RAC1: variants seen among roughly 807,000 people sequenced by gnomAD.
RAC1 encodes the protein Rac family small GTPase 1.
Under a neutral mutation model 25.2 loss-of-function variants are expected in RAC1, and 2 were observed. The ratio of observed to expected loss-of-function variants is 0.08; its 90% CI spans 0.03 to 0.25. The LOEUF is 0.25. Ranked by LOEUF, RAC1 falls within the 10% of genes least tolerant of loss-of-function variation. The pLI, the probability that RAC1 is intolerant of heterozygous loss-of-function variation, is 1.00. For missense variants in RAC1, 50 were observed against 235.7 expected, an observed-to-expected ratio of 0.21 and a Z score of 5.16; for synonymous variants, 88 against 94.0, an observed-to-expected ratio of 0.94 and a Z score of 0.37.
At chr7:6,382,642 C>T (rs1782802159) in intron 1 of RAC1, among the ~76,000 whole-genome samples, 1 of 152,184 alleles carries the variant, frequency 6.6e-6, no homozygotes, top group African/African-American at 2.4e-5. Flanking sequence ...TGGGGTGGAT[C>T]TCCTGAGGTC....
intron 3 of RAC1, among the ~76,000 whole-genome samples, chr7:6,394,588 C>A (rs372999239): frequency 6.6e-6 from 1 of 152,150 alleles, no homozygotes; most frequent in Non-Finnish European, 1.5e-5. Flanking sequence ...GCAGCGGGTT[C>A]GCTGAGATGC....
chr7:6,386,927 C>G (rs1021262438), intron 1 of RAC1, among the ~76,000 whole-genome samples: 2 of 152,040 alleles, frequency 1.3e-5, no homozygotes, highest in Admixed American at 6.6e-5. Context: ...AGTCTTGTAG[C>G]TAGGTGACAA....
chr7:6,402,122 C>T, intron 5 of RAC1, 95 bp downstream of exon 5: 2 of 1,468,730 alleles, frequency 1.4e-6, no homozygotes, highest in South Asian at 1.3e-5. Flanking sequence ...GTGTGTCTCC[C>T]ACTCAGGGCC....
At position 6,388,250 on chromosome 7, in the gene RAC1, C is replaced by T. The variant is rs79851565; in HGVS notation, c.107+967C>T. Among the ~76,000 whole-genome samples, 140 of 152,034 alleles carry T rather than the reference C, an allele frequency of 9.2e-4. 1 individual carries two copies. Among genetic ancestry groups the T allele is most frequent in the African/African-American group, 3.3e-3 (135 of 41,474 alleles). ...TGTGCAGGCTGGGGAGGTGTCGCCTCCTCCCCACCTGTGTTCACCTCCTCA... is the reference window on the plus strand; with the variant it reads ...TGTGCAGGCTGGGGAGGTGTCGCCTTCTCCCCACCTGTGTTCACCTCCTCA... On this transcript the variant is annotated intron_variant, in intron 2 of 5. Transcript: ENST00000348035.
At chr7:6,383,512 C>T (rs1767152834) in intron 1 of RAC1, among the ~76,000 whole-genome samples, 1 of 151,754 alleles carries the variant, frequency 6.6e-6, no homozygotes, top group African/African-American at 2.4e-5. Context: ...AATAAAATTT[C>T]AGTCAGTATC....
chr7:6,395,899 G>A (rs1783223863), intron 3 of RAC1, among the ~76,000 whole-genome samples: 1 of 152,136 alleles, frequency 6.6e-6, no homozygotes, highest in African/African-American at 2.4e-5. Flanking sequence ...CTACTTTTTT[G>A]TAGTGAGATC....
chr7:6,401,627 G>T (rs6954996), intron 4 of RAC1: 15 of 322,062 alleles, frequency 4.7e-5, no homozygotes, highest in Non-Finnish European at 8.6e-5. Flanking sequence ...TGTAGAGCCC[G>T]TTCTGTCCGG....
At chr7:6,378,983 G>C (rs751602004) in intron 1 of RAC1, among the ~76,000 whole-genome samples, 1 of 151,912 alleles carries the variant, frequency 6.6e-6, no homozygotes, top group South Asian at 2.1e-4. Flanking sequence ...CTAGCTACTC[G>C]GGAGGCTGAG....
intron 3 of RAC1, among the ~76,000 whole-genome samples, chr7:6,399,001 G>C (rs1040483911): frequency 9.9e-5 from 15 of 152,208 alleles, no homozygotes; most frequent in Non-Finnish European, 2.2e-4. Context: ...TGCAGATATG[G>C]AGACTCCTCC....
chr7:6,397,985 TC>T (rs1178763154), intron 3 of RAC1, among the ~76,000 whole-genome samples: 3 of 152,198 alleles, frequency 2.0e-5, no homozygotes, highest in Non-Finnish European at 4.4e-5. Context: ...CAAGACTCCG[TC>T]TCAAAAACGC....
At position 6,390,093 on chromosome 7, in the gene RAC1, TCCC is replaced by T. The variant is rs1410551050; in HGVS notation, c.108-1830_108-1828del. Among the ~76,000 whole-genome samples, 8 of 52,710 alleles carry T rather than the reference TCCC, an allele frequency of 1.5e-4. No individual in the cohort carries two copies. In the East Asian group the frequency reaches 2.6e-3, roughly 17 times the overall value. 34.6% of individuals were successfully genotyped at this position (52,710 alleles called of 152,430 possible). On this transcript the variant is annotated intron_variant, in intron 2 of 5. Coordinates refer to ENST00000348035, the MANE Select transcript of RAC1 (RefSeq NM_006908.5). The stretch of plus-strand genomic sequence containing the variant: ...CTCCCTCCCTTGCTCCCTCCCTCCC[TCCC>T]TTTTTTTTTTTTTTTTTTTTTGAGA...
chr7:6,381,327 C>T (rs1004158170), intron 1 of RAC1, among the ~76,000 whole-genome samples: 1 of 151,542 alleles, frequency 6.6e-6, no homozygotes, highest in South Asian at 2.1e-4. Context: ...TGTCTTCAGC[C>T]TAAGTGAGAA....
intron 4 of RAC1, among the ~76,000 whole-genome samples, chr7:6,400,931 T>A (rs1385958382): frequency 1.3e-5 from 2 of 152,140 alleles, no homozygotes. Context: ...CGTCTCGGCC[T>A]CCCAAAGTGC....
rs1406369422 is a variant in RAC1 at position 6,391,778 on chromosome 7, C to T, written c.108-146C>T. 28 of 1,317,480 alleles carry T rather than the reference C, an allele frequency of 2.1e-5. 1 individual carries two copies. Among genetic ancestry groups the T allele is most frequent in the Non-Finnish European group, 2.6e-5 (26 of 987,266 alleles). The allele number at this position is 1,317,480 out of a possible 1,614,324, so 81.6% of individuals were successfully genotyped here. A position where few individuals can be genotyped will look rare whatever the true frequency, so the allele number is the denominator to read the frequency against. Reference sequence around the variant, plus strand: ...CCGCAAGTTTTGCCCGTGCCGCCTTCCTCCTTGTGCCTGCAGGGACATTTG... The same window carrying T: ...CCGCAAGTTTTGCCCGTGCCGCCTTTCTCCTTGTGCCTGCAGGGACATTTG... On this transcript the variant is annotated intron_variant, in intron 2 of 5. Coordinates refer to ENST00000348035, the MANE Select transcript of RAC1 (RefSeq NM_006908.5).
intron 1 of RAC1, among the ~76,000 whole-genome samples, chr7:6,382,657 A>G (rs11514802): frequency 0.18 from 27,553 of 152,216 alleles, 2,990 homozygotes; most frequent in Non-Finnish European, 0.24. Context: ...GAGGTCAGGA[A>G]TTCGAGACCA....
In RAC1 at chr7:6,403,218, G is replaced by T; in HGVS notation, c.*772G>T. ...ACACTACATTGTACAAGGAATGAAAGTGTCACGGGTAAAAACTCTAAAAGG... is the reference window on the plus strand; with the variant it reads ...ACACTACATTGTACAAGGAATGAAATTGTCACGGGTAAAAACTCTAAAAGG... On this transcript the variant is annotated 3_prime_UTR_variant, in exon 6 of 6. Coordinates refer to ENST00000348035, the MANE Select transcript of RAC1 (RefSeq NM_006908.5). The T allele has an allele frequency of 4.5e-6, 1 of 221,264 alleles. No individual in the cohort carries two copies. Among genetic ancestry groups the T allele is most frequent in the Non-Finnish European group, 9.1e-6 (1 of 110,236 alleles). The allele number at this position is 221,264 out of a possible 1,614,324, so 13.7% of individuals were successfully genotyped here.
chr7:6,388,000 A>G (rs1782970000), intron 2 of RAC1, among the ~76,000 whole-genome samples: 3 of 152,156 alleles, frequency 2.0e-5, no homozygotes. Flanking sequence ...ATAAGTCATC[A>G]GTTGGTTACA....
chr7:6,380,970 G>A (rs151147896), intron 1 of RAC1, among the ~76,000 whole-genome samples: 90 of 152,236 alleles, frequency 5.9e-4, no homozygotes, highest in Non-Finnish European at 1.5e-4. Flanking sequence ...CCAGGTTCAG[G>A]CGATTCTCCT....
At chr7:6,396,097 G>T (rs989301740) in intron 3 of RAC1, among the ~76,000 whole-genome samples, 3 of 152,194 alleles carry the variant, frequency 2.0e-5, no homozygotes, top group Non-Finnish European at 4.4e-5. Context: ...ACAGGCACGC[G>T]GGAGTCTGGG....
Sources: gnomAD v4.1 joint callset for allele counts (sites outside exome capture counted in the v4.1 genomes callset) on GRCh38, gnomAD v4.1.1 for gene constraint, MANE v1.5 for transcripts, NCBI Gene and HGNC (gene_info 2026-07-23, HGNC 2026-07-21) for gene names.